The following SNX29 variants were observed in gnomAD, a reference collection of about 807,000 sequenced individuals.
SNX29 encodes sorting nexin 29, also known as sorting nexin-29.
Under a neutral mutation model 102.1 loss-of-function variants are expected in SNX29, and 78 were observed. The observed-to-expected ratio is 0.76, with a 90% CI of 0.64 to 0.92. SNX29 has a LOEUF of 0.92. Ranked by LOEUF, SNX29 falls within the 40% of genes least tolerant of loss-of-function variation. The pLI, the probability that SNX29 is intolerant of heterozygous loss-of-function variation, is 0.00. For synonymous variants in SNX29, 580 were observed against 414.5 expected (o/e 1.40, Z -4.85); for missense variants, 1,280 against 1,061.7 (o/e 1.21, Z -2.86).
At chr16:12,527,874 G>C (rs2076829302) in intron 20 of SNX29, among the ~76,000 whole-genome samples, 1 of 149,598 alleles carries the variant, frequency 6.7e-6, no homozygotes, top group South Asian at 2.1e-4. Flanking sequence ...GGCCAAACTG[G>C]AGTCCAGTGG....
chr16:12,226,560 G>A (rs896223498), intron 14 of SNX29, among the ~76,000 whole-genome samples: 1 of 150,058 alleles, frequency 6.7e-6, no homozygotes, highest in Non-Finnish European at 1.5e-5. Context: ...GCTGAAGGGC[G>A]TGGACTGAGC....
intron 15 of SNX29, among the ~76,000 whole-genome samples, chr16:12,309,296 A>G (rs911561988): frequency 1.4e-4 from 21 of 152,192 alleles, no homozygotes; most frequent in Admixed American, 6.5e-5. Context: ...GGGGAGATGC[A>G]CAGATAGGGG....
At position 11,994,194 on chromosome 16, in the gene SNX29, T is replaced by G. The variant is rs137938735; in HGVS notation, c.8-5103T>G. Among the ~76,000 whole-genome samples, 88 of 152,302 alleles carry G rather than the reference T, an allele frequency of 5.8e-4. 1 individual carries two copies. Among genetic ancestry groups the G allele is most frequent in the African/African-American group, 2.1e-3 (87 of 41,570 alleles). ...ACTGACTTTCCCGTGCACATGAGGA[T>G]TCTGAGTAGAGTTAGGGAGTGTCAG... On this transcript the variant is annotated intron_variant, in intron 1 of 20. Coordinates refer to ENST00000566228, the MANE Select transcript of SNX29 (RefSeq NM_032167.5).
intron 20 of SNX29, among the ~76,000 whole-genome samples, chr16:12,555,810 C>G (rs1168992732): frequency 1.3e-5 from 2 of 151,770 alleles, no homozygotes; most frequent in East Asian, 1.9e-4. Context: ...CCTGCCTCTG[C>G]AAGAAAGGTG....
At chr16:12,084,718 G>A (rs1195922953) in intron 11 of SNX29, among the ~76,000 whole-genome samples, 1 of 152,132 alleles carries the variant, frequency 6.6e-6, no homozygotes, top group Admixed American at 6.6e-5. Context: ...CCCAAATCAT[G>A]GGCGGCCATG....
At chr16:12,553,563 G>A (rs1163964995) in intron 20 of SNX29, among the ~76,000 whole-genome samples, 1 of 151,974 alleles carries the variant, frequency 6.6e-6, no homozygotes, top group Non-Finnish European at 1.5e-5. Context: ...CTAAGCAGGA[G>A]CTGTGGGCTC....
chr16:12,025,955 A>C (rs2057178956), intron 3 of SNX29, among the ~76,000 whole-genome samples: 1 of 152,196 alleles, frequency 6.6e-6, no homozygotes, highest in South Asian at 2.1e-4. Context: ...TCAAGTGTAA[A>C]ATGGAGATAA....
chr16:12,066,243 C>T (rs1384003429), intron 9 of SNX29, among the ~76,000 whole-genome samples: 4 of 152,128 alleles, frequency 2.6e-5, no homozygotes, highest in Non-Finnish European at 2.9e-5. Flanking sequence ...GGAACTGGGG[C>T]GTCTGCTGTA....
intron 20 of SNX29, among the ~76,000 whole-genome samples, chr16:12,550,006 G>T (rs892907546): frequency 7.9e-5 from 12 of 152,292 alleles, no homozygotes; most frequent in African/African-American, 2.9e-4. Flanking sequence ...TTATTATAAG[G>T]GCAAAGTTGA....
chr16:12,377,533 AAG>A (rs1319715394), intron 16 of SNX29, among the ~76,000 whole-genome samples: 1 of 152,194 alleles, frequency 6.6e-6, no homozygotes, highest in African/African-American at 2.4e-5. Flanking sequence ...GGCTCCTGGA[AAG>A]AGAGAGCATA....
chr16:12,423,061 A>G (rs2084930843), intron 18 of SNX29, among the ~76,000 whole-genome samples: 1 of 152,198 alleles, frequency 6.6e-6, no homozygotes, highest in South Asian at 2.1e-4. Flanking sequence ...ACCCAGCCTC[A>G]TAGTGTCATG....
At chr16:12,476,524 G>T (rs893074696) in intron 18 of SNX29, among the ~76,000 whole-genome samples, 11 of 145,070 alleles carry the variant, frequency 7.6e-5, no homozygotes, top group African/African-American at 2.8e-4. Flanking sequence ...TTTCTCGTTT[G>T]TTGAAGAAGC....
chr16:12,545,082 C>T (rs931082854), intron 20 of SNX29, among the ~76,000 whole-genome samples: 2 of 152,144 alleles, frequency 1.3e-5, no homozygotes, highest in African/African-American at 2.4e-5. Context: ...TGCACTGTGC[C>T]AGCCATCAGA....
intron 14 of SNX29, among the ~76,000 whole-genome samples, chr16:12,219,199 A>G (rs528912249): frequency 2.0e-5 from 3 of 151,870 alleles, no homozygotes; most frequent in South Asian, 2.1e-4. Flanking sequence ...TGCAGCGTCC[A>G]TCATTTGGTT....
chr16:12,157,412 C>CGT (rs2055598237), intron 13 of SNX29, among the ~76,000 whole-genome samples: 1 of 152,060 alleles, frequency 6.6e-6, no homozygotes, highest in South Asian at 2.1e-4. Flanking sequence ...GGGCAGGGGA[C>CGT]GTGGGGTCAT....
At chr16:12,007,079 A>T (rs1596574158) in intron 3 of SNX29, among the ~76,000 whole-genome samples, 2 of 152,326 alleles carry the variant, frequency 1.3e-5, no homozygotes, top group South Asian at 2.1e-4. Context: ...AAAAAAAAAA[A>T]TTATTCTCCT....
rs556101516 is a variant in SNX29, at chr16:12,566,151, A to T, written c.2319-2355A>T. Among the ~76,000 whole-genome samples, 7 of 152,316 alleles carry T rather than the reference A, an allele frequency of 4.6e-5. No homozygotes were observed. In the South Asian group the frequency reaches 1.2e-3, roughly 27 times the overall value. ...TCAGAGGGCAGGCATTTGCCTACAG[A>T]AACACAGCTAGTTGGTGGCTTTAGG... On this transcript the variant is annotated intron_variant, in intron 20 of 20. Transcript: ENST00000566228.
At chr16:11,980,621 T>A (rs1234117747) in intron 1 of SNX29, among the ~76,000 whole-genome samples, 1 of 152,196 alleles carries the variant, frequency 6.6e-6, no homozygotes, top group African/African-American at 2.4e-5. Flanking sequence ...CATTTTCAGT[T>A]CTCACCAGCA....
At chr16:12,372,503 G>A (rs1277999447) in intron 16 of SNX29, 6 of 152,254 alleles carry the variant, frequency 3.9e-5, no homozygotes, top group Middle Eastern at 3.4e-3. Flanking sequence ...GTTTGTCGTC[G>A]GTGGAAGACA....
Sources: gnomAD v4.1 joint callset for allele counts (sites outside exome capture counted in the v4.1 genomes callset) on GRCh38, gnomAD v4.1.1 for gene constraint, MANE v1.5 for transcripts, NCBI Gene and HGNC (gene_info 2026-07-23, HGNC 2026-07-21) for gene names.